The following PDZD2 variants were observed in gnomAD, a reference collection of about 807,000 sequenced individuals.
PDZD2 encodes PDZ domain containing 2.
Under a neutral mutation model 220.7 loss-of-function variants are expected in PDZD2, and 90 were observed. The ratio of observed to expected loss-of-function variants is 0.41; its 90% CI spans 0.34 to 0.49. The LOEUF is 0.49. Ranked by LOEUF, PDZD2 falls within the 20% of genes least tolerant of loss-of-function variation. PDZD2 has a pLI of 0.28. For synonymous variants in PDZD2, 1,375 were observed against 1,450.5 expected (o/e 0.95, Z 1.18); for missense variants, 3,174 against 3,608.5 (o/e 0.88, Z 3.08).
At chr5:32,052,277 C>A (rs1187650213) in intron 8 of PDZD2, among the ~76,000 whole-genome samples, 1 of 152,196 alleles carries the variant, frequency 6.6e-6, no homozygotes, top group African/African-American at 2.4e-5. Context: ...TCCTGAGTAG[C>A]TGGGACTGCA....
chr5:31,644,003 A>T (rs1205114022), intron 1 of PDZD2, among the ~76,000 whole-genome samples: 3 of 152,024 alleles, frequency 2.0e-5, no homozygotes, highest in East Asian at 1.9e-4. Flanking sequence ...ATTATTTTTT[A>T]AAAATTTTTT....
chr5:31,909,751 C>T (rs1257757743), intron 2 of PDZD2, among the ~76,000 whole-genome samples: 1 of 152,000 alleles, frequency 6.6e-6, no homozygotes, highest in African/African-American at 2.4e-5. Flanking sequence ...TTGAATATTC[C>T]TTTTCCCACT....
At position 31,905,061 on chromosome 5, in the gene PDZD2, T is replaced by C. The variant is rs145591434; in HGVS notation, c.477-78094T>C. On this transcript the variant is annotated intron_variant, in intron 2 of 24. Transcript: ENST00000438447. ...TTAGCCCACTGCAACCTCCGTCTCC[T>C]GGGTTCAAGCAATTCTCCTACCTCA... 2.7e-3 allele frequency among the ~76,000 whole-genome samples: 408 copies of C among 152,214 alleles called. 2 individuals are homozygous for C. The highest frequency in any genetic ancestry group is 9.5e-3 in the African/African-American group (393 of 41,534).
At chr5:31,840,411 T>G (rs1191716395) in intron 2 of PDZD2, 2 of 78,632 alleles carry the variant, frequency 2.5e-5, no homozygotes, top group Non-Finnish European at 5.2e-5. Flanking sequence ...TATATATATA[T>G]ATATATATAT....
chr5:31,890,054 C>G lies in PDZD2; in HGVS notation c.476+90330C>G, dbSNP rs149591503. ...AAAAGCAAAAACAAACACCCCCCCACCCCCACCAAAACAAACAAACAAAAC... is the reference window on the plus strand; with the variant it reads ...AAAAGCAAAAACAAACACCCCCCCAGCCCCACCAAAACAAACAAACAAAAC... On this transcript the variant is annotated intron_variant, in intron 2 of 24. Transcript: ENST00000438447. 5.7e-3 allele frequency among the ~76,000 whole-genome samples: 840 copies of G among 148,234 alleles called. 5 individuals are homozygous for G. The highest frequency in any genetic ancestry group is 0.01 in the Middle Eastern group (3 of 290).
At chr5:31,795,870 G>T (rs984777318) in intron 1 of PDZD2, among the ~76,000 whole-genome samples, 2 of 152,304 alleles carry the variant, frequency 1.3e-5, no homozygotes, top group Admixed American at 1.3e-4. Flanking sequence ...TCAATTATAG[G>T]TATGGGATTG....
chr5:31,842,351 C>G (rs768951099), intron 2 of PDZD2, among the ~76,000 whole-genome samples: 1 of 152,176 alleles, frequency 6.6e-6, no homozygotes, highest in Admixed American at 6.5e-5. Flanking sequence ...CAGTTACAGA[C>G]GAGAGAATCC....
chr5:32,041,194 G>A (rs1445185054), intron 7 of PDZD2, among the ~76,000 whole-genome samples: 2 of 140,454 alleles, frequency 1.4e-5, no homozygotes, highest in African/African-American at 2.7e-5. Context: ...GCCTCTGCCC[G>A]GCCGCCCCGT....
chr5:31,764,967 C>T (rs752705795), intron 1 of PDZD2, among the ~76,000 whole-genome samples: 2 of 152,094 alleles, frequency 1.3e-5, no homozygotes, highest in Non-Finnish European at 2.9e-5. Flanking sequence ...ATCCCAGCTA[C>T]TCGGGAGGCT....
chr5:32,093,015 A>C lies in PDZD2; in HGVS notation c.7836A>C (p.Ala2612=). The C allele has an allele frequency of 6.6e-7, 1 of 1,522,344 alleles. No individual in the cohort carries two copies. Among genetic ancestry groups the C allele is most frequent in the South Asian group, 1.1e-5 (1 of 88,954 alleles). The allele number at this position is 1,522,344 out of a possible 1,614,324, so 94.3% of individuals were successfully genotyped here. Residue 2612 remains alanine (A), a synonymous_variant, in exon 21 of 25, where the codon GCA becomes GCC. Transcript: ENST00000438447. ...TILTLIQEAK[A]QSENEEDVCF... The stretch of plus-strand genomic sequence containing the variant: ...TAACTCTCATTCAGGAAGCGAAAGC[A>C]CAATCAGAGGTGAGTGAAACACAGA...
chr5:31,812,399 ACATATG>A (rs1188901840), intron 2 of PDZD2, among the ~76,000 whole-genome samples: 2 of 152,152 alleles, frequency 1.3e-5, no homozygotes, highest in Non-Finnish European at 2.9e-5. Context: ...GTAGTCCATG[ACATATG>A]CTGAGGGAAG....
chr5:31,787,625 T>C (rs531942936), intron 1 of PDZD2: 3 of 152,228 alleles, frequency 2.0e-5, no homozygotes, highest in Admixed American at 2.0e-4. Flanking sequence ...TTCTTTTTCC[T>C]ATTCTTCAAA....
rs868466753 is a variant in PDZD2, at chr5:32,077,516, C to A, written c.3592C>A (p.Leu1198Ile). The A allele has an allele frequency of 1.2e-6, 2 of 1,613,826 alleles. No individual in the cohort carries two copies. Among genetic ancestry groups the A allele is most frequent in the African/African-American group, 1.3e-5 (1 of 74,938 alleles). Residue 1198 changes from leucine (L) to isoleucine (I), a missense_variant, in exon 19 of 25, where the codon CTA (leucine) becomes ATA (isoleucine). Physicochemically the swap from Leu to Ile is conservative, Grantham distance 5 (BLOSUM62 2). Around this residue, in one of 4 missense-constraint regions of PDZD2, gnomAD observed 1,861 missense variants for 2,001.0 expected, o/e 0.93. Transcript: ENST00000438447. The part of the protein sequence containing the change: ...GDACVSTSCE[L>I]ASALSHLDAS... Reference sequence around the variant, plus strand: ...TGCTTGTGTCTCTACCAGCTGTGAACTAGCCAGTGCTCTGTCCCATCTGGA... The same window carrying A: ...TGCTTGTGTCTCTACCAGCTGTGAAATAGCCAGTGCTCTGTCCCATCTGGA...
At chr5:31,780,876 T>G (rs1753026086) in intron 1 of PDZD2, among the ~76,000 whole-genome samples, 1 of 152,200 alleles carries the variant, frequency 6.6e-6, no homozygotes, top group Admixed American at 6.5e-5. Context: ...TGAGAGCTGA[T>G]AACATCCAGA....
intron 2 of PDZD2, among the ~76,000 whole-genome samples, chr5:31,919,717 AGG>A (rs1173754970): frequency 1.2e-4 from 4 of 32,268 alleles, no homozygotes; most frequent in Non-Finnish European, 1.9e-4. Flanking sequence ...GAAAAAAAAA[AGG>A]AAAAAAAAAA....
intron 8 of PDZD2, among the ~76,000 whole-genome samples, chr5:32,052,311 A>C (rs942572703): frequency 2.0e-5 from 3 of 152,046 alleles, no homozygotes; most frequent in Non-Finnish European, 4.4e-5. Flanking sequence ...ACACCCAGCT[A>C]ATTTTTGTAT....
At chr5:31,756,152 C>T (rs1580694983) in intron 1 of PDZD2, among the ~76,000 whole-genome samples, 2 of 152,226 alleles carry the variant, frequency 1.3e-5, no homozygotes, top group East Asian at 1.9e-4. Flanking sequence ...AACGGGGAAA[C>T]GCAGAAGCCC....
At chr5:31,880,791 C>CTTTTTTT (rs1037018187) in intron 2 of PDZD2, among the ~76,000 whole-genome samples, 130 of 76,460 alleles carry the variant, frequency 1.7e-3, no homozygotes, top group African/African-American at 2.0e-3. Context: ...TTTTTTTTTT[C>CTTTTTTT]TTTTTTTTTT....
At chr5:31,808,978 CAAA>C (rs5867105) in intron 2 of PDZD2, among the ~76,000 whole-genome samples, 3 of 145,192 alleles carry the variant, frequency 2.1e-5, no homozygotes, top group African/African-American at 7.5e-5. Flanking sequence ...GACTCCATCT[CAAA>C]AAAAAAAAAA....
Sources: gnomAD v4.1 joint callset for allele counts (sites outside exome capture counted in the v4.1 genomes callset) on GRCh38, gnomAD v4.1.1 for gene constraint, gnomAD v4.1.1 regional missense constraint, MANE v1.5 for transcripts, NCBI Gene and HGNC (gene_info 2026-07-23, HGNC 2026-07-21) for gene names.